Variants in STK35 observed in about 807,000 individuals in gnomAD.
STK35 encodes serine/threonine-protein kinase 35.
Under a neutral mutation model 37.3 loss-of-function variants are expected in STK35, and 17 were observed. That is an observed-to-expected ratio of 0.46 (90% CI 0.31 to 0.68). The LOEUF is 0.68. Ranked by LOEUF, STK35 falls within the 30% of genes least tolerant of loss-of-function variation. STK35 has a pLI of 0.05. For synonymous variants in STK35, 385 were observed against 319.1 expected, an observed-to-expected ratio of 1.21 and a Z score of -2.20; for missense variants, 595 against 746.7, an observed-to-expected ratio of 0.80 and a Z score of 2.37.
chr20:2,129,874 T>C (rs1985969917), intron 3 of STK35, among the ~76,000 whole-genome samples: 1 of 151,992 alleles, frequency 6.6e-6, no homozygotes. Flanking sequence ...AGGAGGTCAC[T>C]GGCTGCTCTG....
chr20:2,134,055 C>T (rs754417110), intron 3 of STK35, among the ~76,000 whole-genome samples: 14 of 152,042 alleles, frequency 9.2e-5, no homozygotes, highest in East Asian at 5.8e-4. Flanking sequence ...GCTTCAGGGA[C>T]GCAGCATAGA....
At chr20:2,123,754 A>G (rs932368762) in intron 3 of STK35, among the ~76,000 whole-genome samples, 4 of 152,148 alleles carry the variant, frequency 2.6e-5, no homozygotes, top group African/African-American at 9.7e-5. Context: ...AGAAGTTGGG[A>G]CCGCCAGTAC....
intron 3 of STK35, among the ~76,000 whole-genome samples, chr20:2,119,170 A>G (rs1003136963): frequency 2.0e-5 from 3 of 152,234 alleles, no homozygotes; most frequent in African/African-American, 7.2e-5. Flanking sequence ...ATGAGTCACT[A>G]GGTCTAATTC....
At chr20:2,130,676 G>A (rs1470521300) in intron 3 of STK35, among the ~76,000 whole-genome samples, 2 of 152,102 alleles carry the variant, frequency 1.3e-5, no homozygotes, top group African/African-American at 4.8e-5. Context: ...TTTGTAAATT[G>A]GGAAATACTT....
chr20:2,120,370 G>C (rs943111121), intron 3 of STK35, among the ~76,000 whole-genome samples: 1 of 152,186 alleles, frequency 6.6e-6, no homozygotes, highest in Non-Finnish European at 1.5e-5. Context: ...ATGGTTACTG[G>C]TGAGTGTCCC....
Position 2,102,110 on chromosome 20 carries a change from G to C in STK35, c.229G>C (p.Asp77His), listed in dbSNP as rs2122531906. ...CCGGAGGCAGCCCGGGCCCGGAGCG[G>C]ACCATCCCCAGGCAGGGGCTCCAGG... ...RSRRQPGPGA[D>H]HPQAGAPGGK... Residue 77 changes from aspartate to histidine, a missense_variant, in exon 1 of 4, where the codon GAC becomes CAC. Coordinates refer to ENST00000381482, the MANE Select transcript of STK35 (RefSeq NM_080836.4). 4.8e-6 allele frequency: 7 copies of C among 1,452,666 alleles called. No homozygotes were observed. The South Asian group carries it at 9.1e-5, about 19-fold the overall frequency. The allele number at this position is 1,452,666 out of a possible 1,614,324, so 90.0% of individuals were successfully genotyped here.
At chr20:2,110,702 G>A (rs1361350662) in intron 2 of STK35, among the ~76,000 whole-genome samples, 3 of 152,166 alleles carry the variant, frequency 2.0e-5, no homozygotes, top group African/African-American at 4.8e-5. Context: ...TGAAGTGTGC[G>A]TAAGTCAAAG....
chr20:2,126,655 C>T (rs1400729449), intron 3 of STK35, among the ~76,000 whole-genome samples: 2 of 152,122 alleles, frequency 1.3e-5, no homozygotes, highest in African/African-American at 2.4e-5. Flanking sequence ...CTAGTGAGTC[C>T]GCTGTGATAT....
chr20:2,102,741 C>A (rs549296794), intron 1 of STK35, 27 bp from the exon 2 acceptor site: 6 of 1,395,462 alleles, frequency 4.3e-6, no homozygotes, highest in Non-Finnish European at 1.9e-6. Context: ...CTTGGCCTGG[C>A]CGTTTAACCG....
intron 3 of STK35, among the ~76,000 whole-genome samples, chr20:2,132,416 G>A (rs957731417): frequency 1.3e-5 from 2 of 152,260 alleles, no homozygotes; most frequent in African/African-American, 4.8e-5. Flanking sequence ...ATCCCTGGGT[G>A]GGTTCACACA....
At chr20:2,133,667 G>T (rs989412238) in intron 3 of STK35, among the ~76,000 whole-genome samples, 1 of 152,156 alleles carries the variant, frequency 6.6e-6, no homozygotes, top group African/African-American at 2.4e-5. Flanking sequence ...CTGCCTGCTG[G>T]TCACCACGGA....
intron 3 of STK35, among the ~76,000 whole-genome samples, chr20:2,123,108 T>C (rs554985269): frequency 6.6e-6 from 1 of 152,298 alleles, no homozygotes; most frequent in Admixed American, 6.5e-5. Context: ...GGAATCTGCA[T>C]TCATGGCCAA....
At chr20:2,140,852 A>G (rs1026438448) in intron 3 of STK35, among the ~76,000 whole-genome samples, 1 of 152,180 alleles carries the variant, frequency 6.6e-6, no homozygotes, top group African/African-American at 2.4e-5. Context: ...TTCTGTAGTC[A>G]CACTGTGTTC....
At chr20:2,126,709 A>T (rs999612301) in intron 3 of STK35, among the ~76,000 whole-genome samples, 1 of 152,194 alleles carries the variant, frequency 6.6e-6, no homozygotes, top group African/African-American at 2.4e-5. Context: ...CGTTTCTAGG[A>T]TTCAGAGGCA....
intron 2 of STK35, among the ~76,000 whole-genome samples, chr20:2,116,000 C>T (rs1398207443): frequency 2.6e-5 from 4 of 151,298 alleles, no homozygotes; most frequent in South Asian, 2.1e-4. Flanking sequence ...AGCCTGATGG[C>T]GATGTACAGC....
chr20:2,102,880 CG>C lies in STK35; in HGVS notation c.411del (p.Lys138ArgfsTer27). 1 of 1,565,446 alleles carries C rather than the reference CG, an allele frequency of 6.4e-7. No individual in the cohort carries two copies. Among genetic ancestry groups the C allele is most frequent in the African/African-American group, 1.4e-5 (1 of 72,280 alleles). Reference protein sequence around the residue: ...LLPPPPAAMETGKDGARRGTQ... With the variant: ...LLPPPPAAMEXGKDGARRGTQ... ...CCCCCGCCGCCCGCAGCCATGGAAA[CG>C]GGGAAGGACGGCGCCCGCAGAGGTA... On this transcript the variant is annotated frameshift_variant, in exon 2 of 4. Transcript: ENST00000381482. LOFTEE classifies it high-confidence loss of function.
chr20:2,117,520 C>T lies in STK35; in HGVS notation c.*37+105C>T, dbSNP rs1600605657. ...GGTGCAGTGGCAGGATCTCAGCTCA[C>T]TGCAACCTCCACCTCCCGAGTTCAA... On this transcript the variant is annotated intron_variant, in intron 3 of 3. Transcript: ENST00000381482. This position sits in a 1 kb window ranked among gnomAD's most constrained non-coding sequence, Gnocchi z 4.4. 2 of 613,014 alleles carry T rather than the reference C, an allele frequency of 3.3e-6. No homozygotes were observed. The highest frequency in any genetic ancestry group is 5.7e-5 in the East Asian group (2 of 34,936). 38.0% of individuals were successfully genotyped at this position (613,014 alleles called of 1,614,324 possible). A position where few individuals can be genotyped will look rare whatever the true frequency, so the allele number is the denominator to read the frequency against.
At chr20:2,134,857 C>T (rs1006683043) in intron 3 of STK35, among the ~76,000 whole-genome samples, 2 of 152,048 alleles carry the variant, frequency 1.3e-5, no homozygotes, top group Non-Finnish European at 2.9e-5. Flanking sequence ...TGTCATTGCA[C>T]TCCAGCCTGG....
intron 2 of STK35, among the ~76,000 whole-genome samples, chr20:2,110,669 TC>T (rs1387250917): frequency 3.3e-5 from 5 of 152,200 alleles, no homozygotes; most frequent in South Asian, 4.1e-4. Context: ...TTCTAAGACT[TC>T]CTATATGTAT....
Sources: gnomAD v4.1 joint callset for allele counts (sites outside exome capture counted in the v4.1 genomes callset) on GRCh38, gnomAD v4.1.1 for gene constraint, Gnocchi (gnomAD v3.1) non-coding constraint, MANE v1.5 for transcripts, NCBI Gene and HGNC (gene_info 2026-07-23, HGNC 2026-07-21) for gene names.